Variants in DKK4 observed in about 807,000 individuals in gnomAD.
The protein encoded by DKK4 is dickkopf-related protein 4.
DKK4 carries 15 observed loss-of-function variants against 14.5 expected under a neutral mutation model. That is an observed-to-expected ratio of 1.03 (90% CI 0.69 to 1.59). The LOEUF (loss-of-function observed/expected upper bound fraction) is 1.59, where lower values mean the gene tolerates loss of function less well. Among genes scored for constraint, DKK4 ranks in the 40% most tolerant of loss-of-function variants. DKK4 has a pLI of 0.00. For synonymous variants in DKK4, 89 were observed against 105.2 expected (o/e 0.85, Z 0.94); for missense variants, 272 against 280.3 (o/e 0.97, Z 0.21).
At chr8:42,386,017 C>T in the DKK4 span, among the ~76,000 whole-genome samples, 1 of 152,200 alleles carries the variant, frequency 6.6e-6, no homozygotes. Flanking sequence ...ATGCCTACAT[C>T]TGCTCATGTG....
chr8:42,385,165 G>A, the DKK4 span, among the ~76,000 whole-genome samples: 2 of 152,192 alleles, frequency 1.3e-5, no homozygotes, highest in East Asian at 1.9e-4. Context: ...GACAAGGCAG[G>A]AGGATTGCTT....
chr8:42,382,436 T>A, the DKK4 span, among the ~76,000 whole-genome samples: 1 of 152,074 alleles, frequency 6.6e-6, no homozygotes. Context: ...GTGAAGCAGG[T>A]GTGGAGAGGA....
the DKK4 span, among the ~76,000 whole-genome samples, chr8:42,388,185 G>A: frequency 6.6e-6 from 1 of 152,068 alleles, no homozygotes; most frequent in African/African-American, 2.4e-5. Flanking sequence ...ATGAATAAAC[G>A]TGAGTTTTGC....
upstream of DKK4, among the ~76,000 whole-genome samples, chr8:42,379,378 T>TATATATATATATATAGAG (rs1166847600): frequency 5.8e-5 from 2 of 34,558 alleles, no homozygotes; most frequent in Non-Finnish European, 1.0e-4. Flanking sequence ...TATATATATA[T>TATATATATATATATAGAG]AGAGAGAGAG....
chr8:42,379,376 TATAGAGAGAGAGAGAGAG>T (rs1412124766), upstream of DKK4, among the ~76,000 whole-genome samples: 8 of 45,658 alleles, frequency 1.8e-4, no homozygotes, highest in African/African-American at 7.5e-4. Context: ...TATATATATA[TATAGAGAGAGAGAGAGAG>T]AGAGAGAGAG....
the DKK4 span, among the ~76,000 whole-genome samples, chr8:42,384,334 G>C: frequency 6.6e-6 from 1 of 152,124 alleles, no homozygotes; most frequent in Non-Finnish European, 1.5e-5. Flanking sequence ...GTGGAGATGG[G>C]GTCTTGCTAT....
chr8:42,382,345 G>A, the DKK4 span, among the ~76,000 whole-genome samples: 12 of 152,252 alleles, frequency 7.9e-5, no homozygotes, highest in African/African-American at 2.7e-4. Flanking sequence ...ATGCCCCCCT[G>A]TGGCAGCGTC....
In DKK4 at chr8:42,374,231, T is replaced by C. The variant is rs752710793; in HGVS notation, c.544A>G (p.Lys182Glu). The C allele has an allele frequency of 6.2e-7, 1 of 1,612,066 alleles. No homozygotes were observed. Among genetic ancestry groups the C allele is most frequent in the Non-Finnish European group, 8.5e-7 (1 of 1,179,030 alleles). Residue 182 changes from lysine (K) to glutamate (E), a missense_variant, in exon 4 of 4, where the codon AAA becomes GAA. Coordinates refer to ENST00000220812, the MANE Select transcript of DKK4 (RefSeq NM_014420.3). ...ATTTCTGGAGCTTGAGCAGTGTCTT[T>C]ATGCCCTCTTCTGGAGCAGACCTGT... ...EGQVCSRRGH[K>E]DTAQAPEIFQ...
chr8:42,380,744 GAA>G (rs1403205514), upstream of DKK4, among the ~76,000 whole-genome samples: 141 of 141,356 alleles, frequency 1.0e-3, 3 homozygotes, highest in South Asian at 0.018. Flanking sequence ...GGAGAGAGTG[GAA>G]AGAGAGAGAG....
At position 42,374,788 on chromosome 8, in the gene DKK4, T is replaced by A. The variant is rs751128473; in HGVS notation, c.388A>T (p.Ser130Cys). 3 of 1,614,266 alleles carry A rather than the reference T, an allele frequency of 1.9e-6. No homozygotes were observed. The highest frequency in any genetic ancestry group is 2.5e-6 in the Non-Finnish European group (3 of 1,180,052). Residue 130 changes from serine (S) to cysteine (C), a missense_variant, in exon 3 of 4, where the codon AGT becomes TGT. Transcript: ENST00000220812. ...TTCCTGCCTTGTGATTTCTTAATAC[T>A]TGGCTTCCTTTTGGGTTGGTTTTCC... ...VQENQPKRKPSIKKSQGRKGQ... is the reference protein window; with the variant it reads ...VQENQPKRKPCIKKSQGRKGQ...
the DKK4 span, among the ~76,000 whole-genome samples, chr8:42,391,142 A>G: frequency 1.3e-5 from 2 of 152,076 alleles, no homozygotes; most frequent in African/African-American, 4.8e-5. Context: ...TCTTGAATCA[A>G]TCACTTACTC....
At chr8:42,389,048 A>G in the DKK4 span, among the ~76,000 whole-genome samples, 3 of 152,132 alleles carry the variant, frequency 2.0e-5, no homozygotes, top group Non-Finnish European at 1.5e-5. Context: ...GGCTCAAGTG[A>G]TCTTCCCACC....
Position 42,374,366 on chromosome 8 carries a change from C to G in DKK4, c.416-7G>C. 1 of 1,613,070 alleles carries G rather than the reference C, an allele frequency of 6.2e-7. No individual in the cohort carries two copies. The highest frequency in any genetic ancestry group is 8.5e-7 in the Non-Finnish European group (1 of 1,179,830). On this transcript the variant is annotated splice_polypyrimidine_tract_variant and splice_region_variant and intron_variant, in intron 3 of 3. Coordinates refer to ENST00000220812, the MANE Select transcript of DKK4 (RefSeq NM_014420.3). ...CAACTTTCTCCCTCTTGTCCTGTAA[C>G]AAGGTTAATGTGGGCTTTAGTGATA...
At position 42,374,919 on chromosome 8, in the gene DKK4, G is replaced by A; in HGVS notation, c.263-6C>T. 1 of 1,614,012 alleles carries A rather than the reference G, an allele frequency of 6.2e-7. No homozygotes were observed. Among genetic ancestry groups the A allele is most frequent in the Non-Finnish European group, 8.5e-7 (1 of 1,179,994 alleles). On this transcript the variant is annotated splice_region_variant and splice_polypyrimidine_tract_variant and intron_variant, in intron 2 of 3. Transcript: ENST00000220812. ...TTCCATCGTAGTACAAACATCTGAGGGACAACCAGGTGTAACTAGAATTAT... is the reference window on the plus strand; with the variant it reads ...TTCCATCGTAGTACAAACATCTGAGAGACAACCAGGTGTAACTAGAATTAT...
upstream of DKK4, among the ~76,000 whole-genome samples, chr8:42,379,478 C>T (rs1412624003): frequency 7.2e-6 from 1 of 139,566 alleles, no homozygotes; most frequent in Admixed American, 7.2e-5. Context: ...CTGGGTGACA[C>T]AGAGAGAGAG....
chr8:42,387,895 A>C, the DKK4 span, among the ~76,000 whole-genome samples: 2 of 152,164 alleles, frequency 1.3e-5, no homozygotes, highest in Non-Finnish European at 2.9e-5. Flanking sequence ...TCCATTAAAA[A>C]AATTTTTTTT....
At chr8:42,379,372 TATATATAGAG>T (rs1269694813), upstream of DKK4, among the ~76,000 whole-genome samples, 121 of 50,518 alleles carry the variant, frequency 2.4e-3, no homozygotes, top group Non-Finnish European at 4.0e-3. Context: ...TATATATATA[TATATATAGAG>T]AGAGAGAGAG....
the DKK4 span, among the ~76,000 whole-genome samples, chr8:42,383,600 T>C: frequency 5.3e-5 from 8 of 152,268 alleles, no homozygotes; most frequent in African/African-American, 1.9e-4. Context: ...CCAGGGTCCC[T>C]GGACCCTCCT....
the DKK4 span, among the ~76,000 whole-genome samples, chr8:42,390,178 G>A: frequency 1.3e-5 from 2 of 151,932 alleles, no homozygotes; most frequent in African/African-American, 4.8e-5. Flanking sequence ...ACAGGCGTGA[G>A]CCACCGCGCC....
Sources: gnomAD v4.1 joint callset for allele counts (sites outside exome capture counted in the v4.1 genomes callset) on GRCh38, gnomAD v4.1.1 for gene constraint, MANE v1.5 for transcripts, NCBI Gene and HGNC (gene_info 2026-07-23, HGNC 2026-07-21) for gene names.